The following CTTNBP2 variants were observed in gnomAD, a reference collection of about 807,000 sequenced individuals.
The protein encoded by CTTNBP2 is cortactin-binding protein 2.
A neutral mutation model predicts 156.9 loss-of-function variants in CTTNBP2; 108 were observed. The observed-to-expected ratio is 0.69, with a 90% CI of 0.59 to 0.81. CTTNBP2 has a LOEUF of 0.81. Ranked by LOEUF, CTTNBP2 falls within the 30% of genes least tolerant of loss-of-function variation. The probability of loss-of-function intolerance (pLI) is 0.00; values close to 1 mark genes in which losing one functional copy is unlikely to be tolerated. For synonymous variants in CTTNBP2, 767 were observed against 751.8 expected, an observed-to-expected ratio of 1.02 and a Z score of -0.33; for missense variants, 1,924 against 2,035.4, an observed-to-expected ratio of 0.95 and a Z score of 1.05.
chr7:117,841,612 T>C (rs1479443038), intron 2 of CTTNBP2, among the ~76,000 whole-genome samples: 1 of 152,220 alleles, frequency 6.6e-6, no homozygotes, highest in Non-Finnish European at 1.5e-5. Flanking sequence ...GTCTTCCCCA[T>C]ACCTCTCCAA....
At chr7:117,805,533 T>C (rs549692554) in intron 3 of CTTNBP2, among the ~76,000 whole-genome samples, 1 of 152,270 alleles carries the variant, frequency 6.6e-6, no homozygotes, top group African/African-American at 2.4e-5. Context: ...AATAACAACA[T>C]CCTAAGGATC....
At chr7:117,816,394 CTT>C (rs1800577681) in intron 2 of CTTNBP2, among the ~76,000 whole-genome samples, 1 of 152,308 alleles carries the variant, frequency 6.6e-6, no homozygotes, top group African/African-American at 2.4e-5. Context: ...TTGGAGTAGT[CTT>C]TCTAAAATGG....
Position 117,735,401 on chromosome 7 carries a change from G to A in CTTNBP2, c.3556C>T (p.Gln1186Ter). Reference protein sequence around the residue: ...ISSACLIPVKQSPSKKKIIII... With the variant: ...ISSACLIPVK ...ATGATTTTCTTCTTACTGGGAGATT[G>A]TTTCACTGGGATCAGACAAGCTATA... The change falls in exon 15 of 23, where the codon CAA becomes TAA. Residue 1186 changes from glutamine (Q) to a stop codon, truncating the protein, a stop_gained. Transcript: ENST00000160373. LOFTEE classifies it high-confidence loss of function. 1 of 1,612,960 alleles carries A rather than the reference G, an allele frequency of 6.2e-7. No homozygotes were observed. The highest frequency in any genetic ancestry group is 1.1e-5 in the South Asian group (1 of 90,794).
intron 16 of CTTNBP2, among the ~76,000 whole-genome samples, chr7:117,732,095 T>C (rs546183450): frequency 6.6e-6 from 1 of 152,284 alleles, no homozygotes; most frequent in East Asian, 1.9e-4. Context: ...GTATTAATGG[T>C]AATGAAAAAC....
chr7:117,838,441 G>A (rs543947284), intron 2 of CTTNBP2, among the ~76,000 whole-genome samples: 1 of 151,998 alleles, frequency 6.6e-6, no homozygotes, highest in South Asian at 2.1e-4. Flanking sequence ...TTGTTTGGGG[G>A]GATAACTTAG....
intron 21 of CTTNBP2, among the ~76,000 whole-genome samples, 188 bp from the exon 22 acceptor site, chr7:117,718,307 G>A (rs1584884225): frequency 1.3e-5 from 2 of 152,180 alleles, no homozygotes; most frequent in African/African-American, 4.8e-5. Flanking sequence ...GCAAATGCAT[G>A]AGAAACATCC....
At chr7:117,850,750 T>C (rs1381432963) in intron 2 of CTTNBP2, among the ~76,000 whole-genome samples, 1 of 152,218 alleles carries the variant, frequency 6.6e-6, no homozygotes, top group Non-Finnish European at 1.5e-5. Context: ...ATATCAGTCA[T>C]GGTACATAAT....
At chr7:117,795,039 C>T (rs942094349) in intron 3 of CTTNBP2, among the ~76,000 whole-genome samples, 5 of 151,436 alleles carry the variant, frequency 3.3e-5, no homozygotes, top group Admixed American at 6.6e-5. Flanking sequence ...GTACTACAGG[C>T]GCCCGCCACC....
At chr7:117,851,739 T>A (rs909771411) in intron 2 of CTTNBP2, among the ~76,000 whole-genome samples, 2 of 152,152 alleles carry the variant, frequency 1.3e-5, no homozygotes, top group Non-Finnish European at 2.9e-5. Context: ...ACTATTCCCA[T>A]ACAGGCACAA....
chr7:117,719,458 A>C (rs765070933), intron 21 of CTTNBP2, 46 bp downstream of exon 21: 22 of 1,545,580 alleles, frequency 1.4e-5, no homozygotes, highest in Non-Finnish European at 1.9e-5. Context: ...AAAGTCTCCC[A>C]GCTGTTGAGT....
At chr7:117,818,993 C>T (rs1009254429) in intron 2 of CTTNBP2, among the ~76,000 whole-genome samples, 1 of 152,150 alleles carries the variant, frequency 6.6e-6, no homozygotes, top group East Asian at 1.9e-4. Context: ...ACTCAGGAGT[C>T]TCAAAAGTCA....
chr7:117,806,767 T>A (rs77328286), intron 3 of CTTNBP2, among the ~76,000 whole-genome samples: 2 of 149,962 alleles, frequency 1.3e-5, no homozygotes, highest in Admixed American at 1.3e-4. Context: ...TTTTTTTTTT[T>A]TTTTATTTTG....
chr7:117,736,125 A>C (rs1795673562), intron 14 of CTTNBP2, among the ~76,000 whole-genome samples: 1 of 152,178 alleles, frequency 6.6e-6, no homozygotes, highest in African/African-American at 2.4e-5. Context: ...CCCTTAAATG[A>C]CCTTTAAATT....
At chr7:117,781,652 C>T (rs1237484120) in intron 6 of CTTNBP2, among the ~76,000 whole-genome samples, 5 of 152,144 alleles carry the variant, frequency 3.3e-5, no homozygotes, top group Admixed American at 6.5e-5. Flanking sequence ...GCAGGGGTAT[C>T]GCTTAGACCC....
chr7:117,784,851 T>C (rs1038941006), intron 4 of CTTNBP2, among the ~76,000 whole-genome samples: 3 of 152,214 alleles, frequency 2.0e-5, no homozygotes, highest in African/African-American at 7.2e-5. Flanking sequence ...TCTAATTCAA[T>C]ATTAATCTGG....
intron 2 of CTTNBP2, among the ~76,000 whole-genome samples, chr7:117,841,743 G>C (rs1250258237): frequency 6.6e-6 from 1 of 152,172 alleles, no homozygotes; most frequent in African/African-American, 2.4e-5. Context: ...TGATTATACA[G>C]GCAGAGACCA....
intron 2 of CTTNBP2, among the ~76,000 whole-genome samples, chr7:117,820,248 C>T (rs555260736): frequency 3.3e-5 from 5 of 152,324 alleles, no homozygotes; most frequent in East Asian, 1.9e-4. Context: ...TCCAGAACAA[C>T]GTCCAACTGT....
rs752342954 is a variant in CTTNBP2 at position 117,725,205 on chromosome 7, T to C, written c.4108A>G (p.Ile1370Val). Residue 1370 changes from isoleucine to valine, a missense_variant, in exon 18 of 23, where the codon ATA becomes GTA. By Grantham distance (29) the Ile-to-Val change is conservative (BLOSUM62 3). Coordinates refer to ENST00000160373, the MANE Select transcript of CTTNBP2 (RefSeq NM_033427.3). Reference protein sequence around the residue: ...GVIAPRVQEAILSRASVKRQP... With the variant: ...GVIAPRVQEAVLSRASVKRQP... ...CTTTTCACAGAGGCTCTTGACAATA[T>C]TGCTTCTTGAACTCTGGGTGCGATG... 2.5e-6 allele frequency: 4 copies of C among 1,614,112 alleles called. No homozygotes were observed. Among genetic ancestry groups the C allele is most frequent in the East Asian group, 2.2e-5 (1 of 44,880 alleles).
Position 117,873,356 on chromosome 7 carries a change from C to T in CTTNBP2, c.60G>A (p.Ala20=). ...TTACCGCCGCCTCCGCCGCGGCCCC[C>T]GCCGCGTCCTCCGGGGCCCGGGACA... ...PDLSRAPEDA[A]GAAAEAAKKE... is the part of the protein sequence containing the mutation. The change falls in exon 1 of 23, where the codon GCG becomes GCA. Residue 20 remains alanine (A), a synonymous_variant. Coordinates refer to ENST00000160373, the MANE Select transcript of CTTNBP2 (RefSeq NM_033427.3). 1.4e-6 allele frequency: 2 copies of T among 1,462,044 alleles called. No homozygotes were observed. The highest frequency in any genetic ancestry group is 1.8e-6 in the Non-Finnish European group (2 of 1,111,600). 90.6% of individuals were successfully genotyped at this position (1,462,044 alleles called of 1,614,324 possible).
Sources: gnomAD v4.1 joint callset for allele counts (sites outside exome capture counted in the v4.1 genomes callset) on GRCh38, gnomAD v4.1.1 for gene constraint, MANE v1.5 for transcripts, NCBI Gene and HGNC (gene_info 2026-07-23, HGNC 2026-07-21) for gene names.